DYNC2I1: variants seen among roughly 807,000 people sequenced by gnomAD.
DYNC2I1 encodes the protein dynein 2 intermediate chain 1.
DYNC2I1 carries 89 observed loss-of-function variants against 133.4 expected under a neutral mutation model. The ratio of observed to expected loss-of-function variants is 0.67; its 90% CI spans 0.56 to 0.80. The LOEUF is 0.80. DYNC2I1 is among the 30% of genes least tolerant of loss of function. The pLI, the probability that DYNC2I1 is intolerant of heterozygous loss-of-function variation, is 0.00. For missense variants in DYNC2I1, 1,291 were observed against 1,314.5 expected (o/e 0.98, Z 0.28); for synonymous variants, 504 against 484.3 (o/e 1.04, Z -0.54).
intron 1 of DYNC2I1, chr7:158,869,556 A>G (rs1842701267): frequency 2.5e-5 from 13 of 512,682 alleles, no homozygotes; most frequent in South Asian, 2.0e-4. Context: ...CCCACAGAAT[A>G]TTTGTCCTTC....
chr7:158,849,730 T>C, the DYNC2I1 span, among the ~76,000 whole-genome samples: 1 of 152,120 alleles, frequency 6.6e-6, no homozygotes, highest in Non-Finnish European at 1.5e-5. Flanking sequence ...TGCTGTCAGG[T>C]TGTCTCTCTG....
At chr7:158,929,407 C>T (rs3838700) in intron 20 of DYNC2I1, among the ~76,000 whole-genome samples, 10 of 149,454 alleles carry the variant, frequency 6.7e-5, no homozygotes, top group African/African-American at 2.3e-4. Flanking sequence ...AAAGGCTGCC[C>T]GTGGGCGGTG....
intron 8 of DYNC2I1, among the ~76,000 whole-genome samples, chr7:158,895,216 A>G (rs1029032376): frequency 2.0e-5 from 3 of 152,272 alleles, no homozygotes; most frequent in Non-Finnish European, 2.9e-5. Flanking sequence ...CTAAAAAGTC[A>G]TCTCCATACC....
upstream of DYNC2I1, among the ~76,000 whole-genome samples, chr7:158,856,330 G>A (rs1375643332): frequency 6.6e-6 from 1 of 152,240 alleles, no homozygotes; most frequent in Non-Finnish European, 1.5e-5. Flanking sequence ...CCCGGGGCGG[G>A]TTGGGGCGAG....
At chr7:158,950,972 G>C (rs116585260), downstream of DYNC2I1, among the ~76,000 whole-genome samples, 476 of 151,228 alleles carry the variant, frequency 3.1e-3, 1 homozygote, top group African/African-American at 0.011. Flanking sequence ...TGTGAGCACC[G>C]TGCCTGGCCT....
At chr7:158,936,266 T>G (rs1850738595) in intron 23 of DYNC2I1, among the ~76,000 whole-genome samples, 1 of 152,118 alleles carries the variant, frequency 6.6e-6, no homozygotes, top group Non-Finnish European at 1.5e-5. Flanking sequence ...GAGCTTTTTT[T>G]GGCTTCTCTC....
intron 1 of DYNC2I1, among the ~76,000 whole-genome samples, chr7:158,861,765 A>C (rs1841887534): frequency 1.3e-5 from 2 of 152,214 alleles, no homozygotes; most frequent in South Asian, 4.1e-4. Flanking sequence ...GCCAGGGCCT[A>C]GGTGAGTGAA....
chr7:158,905,140 C>CTTTGTTTTTTTTT (rs1846641860), intron 10 of DYNC2I1: 1 of 285,162 alleles, frequency 3.5e-6, no homozygotes, highest in Non-Finnish European at 6.7e-6. Flanking sequence ...CTTTCTTTTT[C>CTTTGTTTTTTTTT]TTTTTTTTTT....
At chr7:158,845,091 T>C in the DYNC2I1 span, among the ~76,000 whole-genome samples, 1 of 152,190 alleles carries the variant, frequency 6.6e-6, no homozygotes, top group African/African-American at 2.4e-5. Context: ...TTCTGCTTGC[T>C]TTAAATCTGC....
intron 1 of DYNC2I1, among the ~76,000 whole-genome samples, chr7:158,864,176 A>G (rs1197303759): frequency 6.6e-6 from 1 of 151,948 alleles, no homozygotes; most frequent in African/African-American, 2.4e-5. Context: ...AGACGTGACC[A>G]CTGTCACATT....
At chr7:158,841,561 C>T in the DYNC2I1 span, among the ~76,000 whole-genome samples, 3 of 151,922 alleles carry the variant, frequency 2.0e-5, no homozygotes, top group Non-Finnish European at 4.4e-5. Context: ...CTGTCACTTC[C>T]TAGGGTATCA....
At chr7:158,897,874 C>T (rs989761233) in intron 8 of DYNC2I1, among the ~76,000 whole-genome samples, 5 of 152,154 alleles carry the variant, frequency 3.3e-5, no homozygotes, top group African/African-American at 1.2e-4. Context: ...CTAATATATG[C>T]ATTCAACATT....
intron 15 of DYNC2I1, among the ~76,000 whole-genome samples, chr7:158,921,123 AC>A (rs201558012): frequency 0.013 from 2,037 of 152,272 alleles, 39 homozygotes; most frequent in African/African-American, 0.047. Context: ...ACAGGTCAAC[AC>A]ACAGTCTATC....
At chr7:158,956,956 C>T (rs1306972659), downstream of DYNC2I1, among the ~76,000 whole-genome samples, 1 of 152,156 alleles carries the variant, frequency 6.6e-6, no homozygotes, top group Non-Finnish European at 1.5e-5. Context: ...GAGCTGCCGT[C>T]CACACTCACC....
At chr7:158,846,469 A>G in the DYNC2I1 span, among the ~76,000 whole-genome samples, 1 of 152,180 alleles carries the variant, frequency 6.6e-6, no homozygotes, top group South Asian at 2.1e-4. Flanking sequence ...ATAAAGTTCA[A>G]GCATGTTGGG....
intron 4 of DYNC2I1, among the ~76,000 whole-genome samples, chr7:158,956,402 G>T (rs375754528): frequency 1.3e-5 from 2 of 152,224 alleles, no homozygotes; most frequent in Non-Finnish European, 1.5e-5. Context: ...TGGTCACCAC[G>T]TCCACAGTTA....
At position 158,934,669 on chromosome 7, in the gene DYNC2I1, C is replaced by T; in HGVS notation, c.2778+120C>T. 3.7e-6 allele frequency: 4 copies of T among 1,080,380 alleles called. No individual in the cohort carries two copies. In the South Asian group the frequency reaches 6.6e-5, roughly 18 times the overall value. 66.9% of individuals were successfully genotyped at this position (1,080,380 alleles called of 1,614,324 possible). A position where few individuals can be genotyped will look rare whatever the true frequency, so the allele number is the denominator to read the frequency against. On this transcript the variant is annotated intron_variant, in intron 23 of 24. Coordinates refer to ENST00000407559, the MANE Select transcript of DYNC2I1 (RefSeq NM_018051.5). ...GGTCATAGCTCACTGCAGCCTTGAA[C>T]TCCTGGGCTCAAATGACCCTCCCAC...
At chr7:158,876,862 C>T (rs527414414) in intron 4 of DYNC2I1, among the ~76,000 whole-genome samples, 171 bp downstream of exon 4, 7 of 152,210 alleles carry the variant, frequency 4.6e-5, no homozygotes, top group South Asian at 2.1e-4. Flanking sequence ...TAGTCAAGTG[C>T]GTTTTTCTGA....
chr7:158,912,910 C>T, intron 12 of DYNC2I1, 75 bp from the exon 13 acceptor site: 3 of 1,043,980 alleles, frequency 2.9e-6, no homozygotes, highest in Non-Finnish European at 4.2e-6. Flanking sequence ...CAGTGACTCT[C>T]ATTATTATTT....
Sources: gnomAD v4.1 joint callset for allele counts (sites outside exome capture counted in the v4.1 genomes callset) on GRCh38, gnomAD v4.1.1 for gene constraint, MANE v1.5 for transcripts, NCBI Gene and HGNC (gene_info 2026-07-23, HGNC 2026-07-21) for gene names.